ADAMTSL1: variants seen among roughly 807,000 people sequenced by gnomAD.
ADAMTSL1 encodes the protein ADAMTS-like protein 1.
A neutral mutation model predicts 201.8 loss-of-function variants in ADAMTSL1; 126 were observed. That is an observed-to-expected ratio of 0.62 (90% CI 0.54 to 0.72). ADAMTSL1 has a LOEUF of 0.72. Ranked by LOEUF, ADAMTSL1 falls within the 30% of genes least tolerant of loss-of-function variation. The pLI, the probability that ADAMTSL1 is intolerant of heterozygous loss-of-function variation, is 0.00. For synonymous variants in ADAMTSL1, 1,121 were observed against 903.4 expected (o/e 1.24, Z -4.32); for missense variants, 2,679 against 2,277.8 (o/e 1.18, Z -3.59).
rs181364006 is a variant in ADAMTSL1, at chr9:18,518,113, G to T, written c.191+13157G>T. On this transcript the variant is annotated intron_variant, in intron 2 of 28. Coordinates refer to ENST00000380548, the MANE Select transcript of ADAMTSL1 (RefSeq NM_001040272.6). ...CTGCAGCTCAGAGACCAAACAGACT[G>T]CAAGGGAAAAAAGTAAATAATTGTC... Among the ~76,000 whole-genome samples, 10 of 152,174 alleles carry T rather than the reference G, an allele frequency of 6.6e-5. No individual in the cohort carries two copies. The East Asian group carries it at 1.9e-3, about 29-fold the overall frequency.
At chr9:18,702,563 T>C (rs1831983029) in intron 13 of ADAMTSL1, among the ~76,000 whole-genome samples, 2 of 152,132 alleles carry the variant, frequency 1.3e-5, no homozygotes, top group African/African-American at 4.8e-5. Flanking sequence ...AAAGGAACAA[T>C]TAAGCTTGCA....
intron 5 of ADAMTSL1, among the ~76,000 whole-genome samples, chr9:18,631,329 G>A (rs1357454500): frequency 6.6e-6 from 1 of 152,098 alleles, no homozygotes; most frequent in Non-Finnish European, 1.5e-5. Flanking sequence ...ATAAACCAGG[G>A]AGAAAATTGA....
chr9:18,908,899 C>A lies in ADAMTSL1; in HGVS notation c.*351C>A. On this transcript the variant is annotated 3_prime_UTR_variant, in exon 29 of 29. Transcript: ENST00000380548. ...CACAGCCCCTGCGGACAGCAGGGAG[C>A]CAGAAGGTTTGTAGCCTATTGGTGC... The A allele has an allele frequency of 4.8e-6, 1 of 207,598 alleles. No homozygotes were observed. The highest frequency in any genetic ancestry group is 9.7e-6 in the Non-Finnish European group (1 of 102,794). The allele number at this position is 207,598 out of a possible 1,614,324, so 12.9% of individuals were successfully genotyped here.
intron 1 of ADAMTSL1, among the ~76,000 whole-genome samples, chr9:18,100,720 T>G (rs1824477682): frequency 6.6e-6 from 1 of 152,162 alleles, no homozygotes; most frequent in South Asian, 2.1e-4. Context: ...TGGCTGCTAG[T>G]TTTGAATATC....
chr9:18,113,661 T>C (rs1825124393), intron 1 of ADAMTSL1, among the ~76,000 whole-genome samples: 1 of 152,180 alleles, frequency 6.6e-6, no homozygotes, highest in Admixed American at 6.6e-5. Flanking sequence ...TGAGTGATTT[T>C]GTTGACACCA....
At chr9:18,201,744 C>A (rs933151302) in intron 2 of ADAMTSL1, among the ~76,000 whole-genome samples, 5 of 152,042 alleles carry the variant, frequency 3.3e-5, no homozygotes, top group Admixed American at 2.6e-4. Flanking sequence ...TATAAAAGAA[C>A]CTCAATTTGA....
chr9:18,749,702 A>G (rs1819353433), intron 15 of ADAMTSL1, among the ~76,000 whole-genome samples: 1 of 152,240 alleles, frequency 6.6e-6, no homozygotes, highest in Non-Finnish European at 1.5e-5. Flanking sequence ...GGCTCTCTGC[A>G]AAAGAGAAGT....
chr9:18,662,407 A>C lies in ADAMTSL1; in HGVS notation c.1085+334A>C, dbSNP rs116360079. 4.4e-3 allele frequency among the ~76,000 whole-genome samples: 675 copies of C among 152,268 alleles called. 7 individuals are homozygous for C. The highest frequency in any genetic ancestry group is 0.015 in the African/African-American group (642 of 41,554). ...GGCCAATGGACCACTCAACGTTCTT[A>C]ACCAATGTGATGACACAATGTTCTC... On this transcript the variant is annotated intron_variant, in intron 9 of 28. Coordinates refer to ENST00000380548, the MANE Select transcript of ADAMTSL1 (RefSeq NM_001040272.6).
chr9:18,352,909 C>T (rs759851501), intron 2 of ADAMTSL1, among the ~76,000 whole-genome samples: 6 of 152,198 alleles, frequency 3.9e-5, no homozygotes, highest in Non-Finnish European at 7.3e-5. Context: ...AAGCAAATAA[C>T]ATGTATTTGG....
intron 7 of ADAMTSL1, among the ~76,000 whole-genome samples, chr9:18,642,723 G>T (rs929205674): frequency 6.6e-5 from 10 of 151,900 alleles, no homozygotes; most frequent in African/African-American, 2.4e-4. Flanking sequence ...TTAACATAAT[G>T]TTCTCCAGGT....
rs147307047 is a variant in ADAMTSL1 at position 18,738,119 on chromosome 9, A to G, written c.2007-15179A>G. Among the ~76,000 whole-genome samples, 349 of 152,328 alleles carry G rather than the reference A, an allele frequency of 2.3e-3. 1 individual carries two copies. Among genetic ancestry groups the G allele is most frequent in the African/African-American group, 6.3e-3 (260 of 41,576 alleles). On this transcript the variant is annotated intron_variant, in intron 15 of 28. Transcript: ENST00000380548. ...ATATTTGAGTGTTTCAGTTGCTAAAAATGCACTAAGAGCTGGAATCAGGTG... is the reference window on the plus strand; with the variant it reads ...ATATTTGAGTGTTTCAGTTGCTAAAGATGCACTAAGAGCTGGAATCAGGTG...
At chr9:18,737,319 C>CAAAAAA (rs59511409) in intron 15 of ADAMTSL1, among the ~76,000 whole-genome samples, 1,506 of 53,458 alleles carry the variant, frequency 0.028, 169 homozygotes, top group African/African-American at 0.061. Context: ...AACTCTGTCT[C>CAAAAAA]AAAAAAAAAA....
chr9:18,284,094 G>T (rs1383609204), intron 2 of ADAMTSL1, among the ~76,000 whole-genome samples: 3 of 150,428 alleles, frequency 2.0e-5, no homozygotes, highest in Non-Finnish European at 4.4e-5. Flanking sequence ...GCTGGGCGTG[G>T]TCACACATTC....
At chr9:18,868,235 T>A in intron 23 of ADAMTSL1, among the ~76,000 whole-genome samples, 1 of 152,224 alleles carries the variant, frequency 6.6e-6, no homozygotes, top group East Asian at 1.9e-4. Flanking sequence ...ACTTAACATA[T>A]TTTAACACTC....
chr9:18,303,460 G>T (rs1396198447), intron 2 of ADAMTSL1, among the ~76,000 whole-genome samples: 1 of 152,142 alleles, frequency 6.6e-6, no homozygotes, highest in African/African-American at 2.4e-5. Flanking sequence ...GTTCCTTCTG[G>T]CAGCACAGGC....
chr9:18,529,074 G>A (rs964988574), intron 2 of ADAMTSL1, among the ~76,000 whole-genome samples: 5 of 152,260 alleles, frequency 3.3e-5, no homozygotes, highest in East Asian at 1.9e-4. Flanking sequence ...CACTTGGCAG[G>A]AATTAAATCC....
intron 21 of ADAMTSL1, among the ~76,000 whole-genome samples, chr9:18,825,427 A>G (rs2131233639): frequency 6.6e-6 from 1 of 152,318 alleles, no homozygotes; most frequent in South Asian, 2.1e-4. Flanking sequence ...TTCTACTGAT[A>G]CTACCATTTC....
At position 18,908,725 on chromosome 9, in the gene ADAMTSL1, CTT is replaced by C; in HGVS notation, c.*179_*180del. 1.8e-6 allele frequency: 1 copy of C among 568,020 alleles called. No individual in the cohort carries two copies. The highest frequency in any genetic ancestry group is 3.1e-6 in the Non-Finnish European group (1 of 319,702). 35.2% of individuals were successfully genotyped at this position (568,020 alleles called of 1,614,324 possible). A position where few individuals can be genotyped will look rare whatever the true frequency, so the allele number is the denominator to read the frequency against. On this transcript the variant is annotated 3_prime_UTR_variant, in exon 29 of 29. Transcript: ENST00000380548. ...GCATAAGGACGTCCGCGTGTTTTCT[CTT>C]TCAGTTAGCTGGAGGACAGGATGTT...
chr9:18,794,723 C>T (rs1822286610), intron 19 of ADAMTSL1, among the ~76,000 whole-genome samples: 1 of 151,918 alleles, frequency 6.6e-6, no homozygotes, highest in Non-Finnish European at 1.5e-5. Flanking sequence ...AACCTCTGCC[C>T]CCCACGTTCA....
Sources: allele counts gnomAD v4.1 joint callset (sites outside exome capture counted in the v4.1 genomes callset), GRCh38; gene constraint gnomAD v4.1.1; transcripts MANE v1.5; gene names NCBI Gene and HGNC (gene_info 2026-07-23, HGNC 2026-07-21).